Variants in CAMSAP2 observed in about 807,000 individuals in gnomAD.
The protein encoded by CAMSAP2 is calmodulin-regulated spectrin-associated protein 2.
Under a neutral mutation model 146.1 loss-of-function variants are expected in CAMSAP2, and 26 were observed. The ratio of observed to expected loss-of-function variants is 0.18; its 90% CI spans 0.13 to 0.25. CAMSAP2 has a LOEUF of 0.25. CAMSAP2 is among the 10% of genes least tolerant of loss of function. The pLI, the probability that CAMSAP2 is intolerant of heterozygous loss-of-function variation, is 1.00. For missense variants in CAMSAP2, 1,381 were observed against 1,759.3 expected, an observed-to-expected ratio of 0.78 and a Z score of 3.85; for synonymous variants, 499 against 596.6, an observed-to-expected ratio of 0.84 and a Z score of 2.38.
chr1:200,789,164 C>T (rs1313689693), intron 2 of CAMSAP2, among the ~76,000 whole-genome samples: 2 of 152,142 alleles, frequency 1.3e-5, no homozygotes, highest in Non-Finnish European at 2.9e-5. Flanking sequence ...CACCCTTCCG[C>T]AGTGCAAAAT....
intron 6 of CAMSAP2, among the ~76,000 whole-genome samples, chr1:200,840,361 C>G (rs1238372048): frequency 6.6e-6 from 1 of 151,966 alleles, no homozygotes; most frequent in Non-Finnish European, 1.5e-5. Context: ...CAGCCAAATC[C>G]TGGGCTCAAG....
intron 3 of CAMSAP2, among the ~76,000 whole-genome samples, chr1:200,811,122 A>C (rs1219703991): frequency 1.3e-5 from 2 of 152,222 alleles, no homozygotes; most frequent in Non-Finnish European, 2.9e-5. Flanking sequence ...ATTTAAACTC[A>C]ATCTTTACTT....
At chr1:200,749,368 G>A (rs1398175869) in intron 1 of CAMSAP2, among the ~76,000 whole-genome samples, 1 of 152,162 alleles carries the variant, frequency 6.6e-6, no homozygotes, top group African/African-American at 2.4e-5. Context: ...AGGACACATG[G>A]GCCAGACTGG....
At chr1:200,745,956 T>G (rs1664309349) in intron 1 of CAMSAP2, among the ~76,000 whole-genome samples, 1 of 152,182 alleles carries the variant, frequency 6.6e-6, no homozygotes, top group Non-Finnish European at 1.5e-5. Context: ...AGTTAAAAAG[T>G]TTTTAAAAAT....
At chr1:200,833,669 G>T (rs951539267) in intron 6 of CAMSAP2, among the ~76,000 whole-genome samples, 5 of 152,054 alleles carry the variant, frequency 3.3e-5, no homozygotes, top group Non-Finnish European at 7.4e-5. Context: ...CTTACAAATA[G>T]TAAGATTCTT....
chr1:200,806,692 G>T (rs1666179741), intron 2 of CAMSAP2, among the ~76,000 whole-genome samples: 1 of 152,078 alleles, frequency 6.6e-6, no homozygotes. Context: ...CTGGTGGAGG[G>T]AGGGGCACTT....
At chr1:200,812,785 A>G (rs1010681763) in intron 3 of CAMSAP2, among the ~76,000 whole-genome samples, 1 of 152,188 alleles carries the variant, frequency 6.6e-6, no homozygotes, top group Non-Finnish European at 1.5e-5. Context: ...GGTACACAAA[A>G]ATCATGAATA....
At chr1:200,762,910 T>C (rs1664840053) in intron 2 of CAMSAP2, among the ~76,000 whole-genome samples, 1 of 152,196 alleles carries the variant, frequency 6.6e-6, no homozygotes, top group Admixed American at 6.5e-5. Flanking sequence ...GAATCTTTTT[T>C]TTTTTCTTAG....
At chr1:200,764,089 C>T (rs1664875322) in intron 2 of CAMSAP2, among the ~76,000 whole-genome samples, 1 of 151,992 alleles carries the variant, frequency 6.6e-6, no homozygotes, top group African/African-American at 2.4e-5. Context: ...AAGAAAGAAA[C>T]TATTTTTTTA....
At chr1:200,828,417 A>T (rs1184526727) in intron 4 of CAMSAP2, among the ~76,000 whole-genome samples, 1 of 152,210 alleles carries the variant, frequency 6.6e-6, no homozygotes, top group Non-Finnish European at 1.5e-5. Flanking sequence ...TGTATTTTTA[A>T]CTAAAATATT....
rs1357031131 is a variant in CAMSAP2, at chr1:200,848,469, G to T, written c.1700G>T (p.Gly567Val). The stretch of plus-strand genomic sequence containing the variant: ...CCTCAGCCAGACCAAATTGCTAATG[G>T]CTTCTTTCTTCATAGTCAAGAAATG... Reference protein sequence around the residue: ...HTPQPDQIANGFFLHSQEMSI... With the variant: ...HTPQPDQIANVFFLHSQEMSI... The change falls in exon 11 of 17, where the codon GGC becomes GTC. Residue 567 changes from glycine (G) to valine (V), a missense_variant. Gly to Val is a moderately radical substitution (Grantham distance 109). Coordinates refer to ENST00000358823, the MANE Select transcript of CAMSAP2 (RefSeq NM_203459.4). 1.9e-6 allele frequency: 3 copies of T among 1,613,256 alleles called. No individual in the cohort carries two copies. The highest frequency in any genetic ancestry group is 1.7e-5 in the Admixed American group (1 of 59,894).
intron 2 of CAMSAP2, among the ~76,000 whole-genome samples, chr1:200,787,750 G>A (rs1254192185): frequency 6.6e-6 from 1 of 152,068 alleles, no homozygotes; most frequent in Non-Finnish European, 1.5e-5. Flanking sequence ...GAAATTTTTG[G>A]TGAAAGAAGA....
rs899297644 is a variant in CAMSAP2, at chr1:200,860,349, G to T, written c.*2290G>T. 2.0e-5 allele frequency: 3 copies of T among 152,680 alleles called. No homozygotes were observed. Among genetic ancestry groups the T allele is most frequent in the East Asian group, 1.9e-4 (1 of 5,336 alleles). 9.5% of individuals were successfully genotyped at this position (152,680 alleles called of 1,614,324 possible). A position where few individuals can be genotyped will look rare whatever the true frequency, so the allele number is the denominator to read the frequency against. On this transcript the variant is annotated 3_prime_UTR_variant, in exon 17 of 17. Transcript: ENST00000358823. ...TCATCATCAGAGGTCAAATTATTATGATAACTATTCCATTAAGTTTGCCAA... is the reference window on the plus strand; with the variant it reads ...TCATCATCAGAGGTCAAATTATTATTATAACTATTCCATTAAGTTTGCCAA...
In CAMSAP2 at chr1:200,860,549, T is replaced by C. The variant is rs1279923343; in HGVS notation, c.*2490T>C. 2.0e-5 allele frequency: 3 copies of C among 152,366 alleles called. No individual in the cohort carries two copies. The highest frequency in any genetic ancestry group is 7.2e-5 in the African/African-American group (3 of 41,454). 9.4% of individuals were successfully genotyped at this position (152,366 alleles called of 1,614,324 possible). A position where few individuals can be genotyped will look rare whatever the true frequency, so the allele number is the denominator to read the frequency against. On this transcript the variant is annotated 3_prime_UTR_variant, in exon 17 of 17. Coordinates refer to ENST00000358823, the MANE Select transcript of CAMSAP2 (RefSeq NM_203459.4). ...TGGTTTCATGGACACTGTTGAGCAA[T>C]GTACAGTGTATGGTGTGCTTACCTG...
intron 2 of CAMSAP2, among the ~76,000 whole-genome samples, chr1:200,803,929 C>CT (rs5780041): frequency 4.7e-5 from 7 of 148,592 alleles, no homozygotes; most frequent in African/African-American, 1.7e-4. Flanking sequence ...TTCTGTTTTT[C>CT]TTTTTTTTTT....
At chr1:200,776,171 AT>A (rs776633479) in intron 2 of CAMSAP2, among the ~76,000 whole-genome samples, 9 of 152,176 alleles carry the variant, frequency 5.9e-5, no homozygotes, top group East Asian at 3.8e-4. Flanking sequence ...TGTTGTAATC[AT>A]AGTATTTGGT....
intron 2 of CAMSAP2, among the ~76,000 whole-genome samples, chr1:200,790,268 A>G (rs1052219735): frequency 6.6e-6 from 1 of 152,236 alleles, no homozygotes; most frequent in Non-Finnish European, 1.5e-5. Flanking sequence ...TTCTGAGGGC[A>G]GGCCTTGTTA....
Position 200,844,884 on chromosome 1 carries a change from G to A in CAMSAP2, c.1109+15G>A. On this transcript the variant is annotated intron_variant, in intron 8 of 16. Coordinates refer to ENST00000358823, the MANE Select transcript of CAMSAP2 (RefSeq NM_203459.4). ...TTCCCTTCAAGGTAAACTCCACAAT[G>A]ACTTTATTTTCACCATTTCTATTCT... 1 of 1,396,470 alleles carries A rather than the reference G, an allele frequency of 7.2e-7. No individual in the cohort carries two copies. The highest frequency in any genetic ancestry group is 9.9e-7 in the Non-Finnish European group (1 of 1,007,936). 86.5% of individuals were successfully genotyped at this position (1,396,470 alleles called of 1,614,324 possible). A position where few individuals can be genotyped will look rare whatever the true frequency, so the allele number is the denominator to read the frequency against.
chr1:200,808,894 C>T (rs1425202319), intron 3 of CAMSAP2, among the ~76,000 whole-genome samples: 2 of 152,184 alleles, frequency 1.3e-5, no homozygotes, highest in East Asian at 3.8e-4. Flanking sequence ...TCTCCCCTTC[C>T]CTCCCTGTTA....
Sources: allele counts gnomAD v4.1 joint callset (sites outside exome capture counted in the v4.1 genomes callset), GRCh38; gene constraint gnomAD v4.1.1; transcripts MANE v1.5; gene names NCBI Gene and HGNC (gene_info 2026-07-23, HGNC 2026-07-21).